Variants in OCM observed in about 807,000 individuals in gnomAD.
OCM encodes the protein oncomodulin-1.
A neutral mutation model predicts 14.1 loss-of-function variants in OCM; 18 were observed. That is an observed-to-expected ratio of 1.28 (90% confidence interval 0.88 to 1.89). The LOEUF is 1.89. Ranked by LOEUF, OCM falls within the 40% of genes most tolerant of loss-of-function variation. OCM has a pLI of 0.00. For synonymous variants in OCM, 48 were observed against 51.0 expected (o/e 0.94, Z 0.25); for missense variants, 140 against 137.6 (o/e 1.02, Z -0.09).
At chr7:5,879,467 G>T (rs1287662026), upstream of OCM, among the ~76,000 whole-genome samples, 2 of 152,094 alleles carry the variant, frequency 1.3e-5, no homozygotes, top group Non-Finnish European at 2.9e-5. Context: ...TCCAGACTGA[G>T]GTCAGCCTTA....
chr7:5,866,068 C>T, the OCM span, among the ~76,000 whole-genome samples: 1 of 151,778 alleles, frequency 6.6e-6, no homozygotes. Context: ...TGCCTGCAAT[C>T]CTAGTGTCTG....
chr7:5,879,409 G>GC (rs1781162757), upstream of OCM, among the ~76,000 whole-genome samples: 1 of 151,984 alleles, frequency 6.6e-6, no homozygotes, highest in South Asian at 2.1e-4. Flanking sequence ...CCTGTGCCGG[G>GC]TGAGACCTGT....
chr7:5,868,415 G>A, the OCM span, among the ~76,000 whole-genome samples: 1 of 151,996 alleles, frequency 6.6e-6, no homozygotes, highest in Non-Finnish European at 1.5e-5. Context: ...CCAAAGTGCT[G>A]GGATTACAGG....
At chr7:5,885,137 C>A (rs1448561739) in intron 3 of OCM, among the ~76,000 whole-genome samples, 6 of 119,354 alleles carry the variant, frequency 5.0e-5, no homozygotes, top group African/African-American at 1.2e-4. Context: ...AAAAAAAAAA[C>A]ATAACCATGA....
the OCM span, among the ~76,000 whole-genome samples, chr7:5,863,639 T>C: frequency 6.6e-6 from 1 of 151,774 alleles, no homozygotes; most frequent in Non-Finnish European, 1.5e-5. Context: ...TTCAAGCGAT[T>C]CTCCTGCATC....
At chr7:5,873,932 C>A in the OCM span, among the ~76,000 whole-genome samples, 1 of 151,524 alleles carries the variant, frequency 6.6e-6, no homozygotes, top group Non-Finnish European at 1.5e-5. Flanking sequence ...CAAGGGCAGC[C>A]AGGCTGGGCG....
the OCM span, among the ~76,000 whole-genome samples, chr7:5,861,239 C>G: frequency 6.6e-6 from 1 of 151,852 alleles, no homozygotes; most frequent in Non-Finnish European, 1.5e-5. Flanking sequence ...CTGGCCAACA[C>G]GGTGAAACCC....
At chr7:5,879,174 C>T (rs1415891837), upstream of OCM, among the ~76,000 whole-genome samples, 2 of 152,158 alleles carry the variant, frequency 1.3e-5, no homozygotes, top group Admixed American at 6.6e-5. Flanking sequence ...GCACTCCAGC[C>T]GGGGCAACAG....
In OCM at chr7:5,880,822, C is replaced by G; in HGVS notation, c.-68C>G. On this transcript the variant is annotated 5_prime_UTR_variant, in exon 1 of 4. Transcript: ENST00000242104. Reference sequence around the variant, plus strand: ...TCAGTGGGCCTGGGAAGATGTGTTTCCCCTGGATGTGCACATTCCTGTTTG... The same window carrying G: ...TCAGTGGGCCTGGGAAGATGTGTTTGCCCTGGATGTGCACATTCCTGTTTG... 6.8e-7 allele frequency: 1 copy of G among 1,461,282 alleles called. No homozygotes were observed. The highest frequency in any genetic ancestry group is 9.6e-7 in the Non-Finnish European group (1 of 1,043,188). The allele number at this position is 1,461,282 out of a possible 1,614,324, so 90.5% of individuals were successfully genotyped here.
chr7:5,870,312 A>T, the OCM span, among the ~76,000 whole-genome samples: 2 of 151,960 alleles, frequency 1.3e-5, no homozygotes, highest in African/African-American at 2.4e-5. Flanking sequence ...GAGTCCCACT[A>T]TGTTGCCCAA....
intron 2 of OCM, 51 bp from the exon 3 acceptor site, chr7:5,883,839 A>T: frequency 6.2e-7 from 1 of 1,608,744 alleles, no homozygotes; most frequent in Non-Finnish European, 8.5e-7. Flanking sequence ...GTGTAAACAC[A>T]GAGATGCATG....
chr7:5,886,204 A>C lies in OCM; in HGVS notation c.*115A>C. ...CTACCTAATTTGTTAATTTTCCCTG[A>C]AAACCTTCTGCAGTTTGCTCATTGT... On this transcript the variant is annotated 3_prime_UTR_variant, in exon 4 of 4. Coordinates refer to ENST00000242104, the MANE Select transcript of OCM (RefSeq NM_001097622.2). 1 of 1,301,586 alleles carries C rather than the reference A, an allele frequency of 7.7e-7. No individual in the cohort carries two copies. Among genetic ancestry groups the C allele is most frequent in the Non-Finnish European group, 1.1e-6 (1 of 922,398 alleles). The allele number at this position is 1,301,586 out of a possible 1,614,324, so 80.6% of individuals were successfully genotyped here. A position where few individuals can be genotyped will look rare whatever the true frequency, so the allele number is the denominator to read the frequency against.
At chr7:5,874,486 T>C in the OCM span, among the ~76,000 whole-genome samples, 2 of 151,838 alleles carry the variant, frequency 1.3e-5, no homozygotes, top group Non-Finnish European at 2.9e-5. Context: ...TAATATGAAA[T>C]TTACCATCTT....
At chr7:5,866,604 T>G in the OCM span, among the ~76,000 whole-genome samples, 2 of 152,116 alleles carry the variant, frequency 1.3e-5, no homozygotes, top group Admixed American at 6.6e-5. Context: ...ACCAAATGTG[T>G]TGTTTGATTT....
chr7:5,861,533 G>A, the OCM span, among the ~76,000 whole-genome samples: 38 of 152,248 alleles, frequency 2.5e-4, no homozygotes, highest in East Asian at 5.2e-3. Context: ...ATTCAGGAAG[G>A]AAAACATGTT....
the OCM span, among the ~76,000 whole-genome samples, chr7:5,872,352 C>G: frequency 6.6e-6 from 1 of 152,178 alleles, no homozygotes; most frequent in Non-Finnish European, 1.5e-5. Context: ...CTTCGTCTCA[C>G]GAAGGAGCTT....
At chr7:5,863,071 C>G in the OCM span, among the ~76,000 whole-genome samples, 1 of 152,142 alleles carries the variant, frequency 6.6e-6, no homozygotes, top group East Asian at 1.9e-4. Flanking sequence ...TTTACTTTAC[C>G]TTATGTAAAA....
chr7:5,878,426 A>G (rs1473358436), upstream of OCM, among the ~76,000 whole-genome samples: 2 of 151,774 alleles, frequency 1.3e-5, no homozygotes, highest in Non-Finnish European at 1.5e-5. Flanking sequence ...AAGAGTTAAC[A>G]CTATTGTACT....
chr7:5,860,071 G>T, the OCM span, among the ~76,000 whole-genome samples: 2 of 151,860 alleles, frequency 1.3e-5, no homozygotes, highest in African/African-American at 4.8e-5. Flanking sequence ...CCCCCACAAA[G>T]AGAACCCACA....
Sources: gnomAD v4.1 joint callset for allele counts (sites outside exome capture counted in the v4.1 genomes callset) on GRCh38, gnomAD v4.1.1 for gene constraint, MANE v1.5 for transcripts, NCBI Gene and HGNC (gene_info 2026-07-23, HGNC 2026-07-21) for gene names.